MMRN1: variants seen among roughly 807,000 people sequenced by gnomAD.
MMRN1 encodes the protein multimerin 1, also known as multimerin-1.
In MMRN1, 94 loss-of-function variants were observed where a neutral mutation model predicts 100.7. That is an observed-to-expected ratio of 0.93 (90% CI 0.79 to 1.11). The LOEUF (loss-of-function observed/expected upper bound fraction) is 1.11. Among genes scored for constraint, MMRN1 ranks in the 50% least tolerant of loss-of-function variants. The pLI is 0.00. For synonymous variants in MMRN1, 575 were observed against 505.0 expected (o/e 1.14, Z -1.86); for missense variants, 1,606 against 1,439.1 (o/e 1.12, Z -1.88).
chr4:89,893,802 G>GTGAA (rs1297576531), upstream of MMRN1, among the ~76,000 whole-genome samples: 3 of 151,170 alleles, frequency 2.0e-5, no homozygotes, highest in South Asian at 4.2e-4. Flanking sequence ...AAATGAATGA[G>GTGAA]TGAATGAATG....
Position 89,936,445 on chromosome 4 carries a change from A to G in MMRN1, c.2765A>G (p.Lys922Arg), listed in dbSNP as rs1405513690. The G allele has an allele frequency of 6.2e-7, 1 of 1,611,550 alleles. No individual in the cohort carries two copies. The highest frequency in any genetic ancestry group is 8.5e-7 in the Non-Finnish European group (1 of 1,179,284). ...TCAATTAACTTCTTTTCGCTTAACA[A>G]AACTCTCCACGAAGTTTTAACAATG... ...HLSINFFSLNKTLHEVLTMCH... is the reference protein window; with the variant it reads ...HLSINFFSLNRTLHEVLTMCH... The change falls in exon 6 of 8, where the codon AAA (lysine) becomes AGA (arginine). Residue 922 changes from lysine (K) to arginine (R), a missense_variant. Physicochemically the swap from Lys to Arg is conservative, Grantham distance 26. Transcript: ENST00000264790.
chr4:89,905,295 A>G (rs912877930), intron 1 of MMRN1, among the ~76,000 whole-genome samples: 6 of 151,502 alleles, frequency 4.0e-5, no homozygotes, highest in South Asian at 2.1e-4. Context: ...TGCAATAATA[A>G]TCTTATAATT....
chr4:89,912,406 T>C (rs1279750065), intron 3 of MMRN1, among the ~76,000 whole-genome samples: 1 of 151,334 alleles, frequency 6.6e-6, no homozygotes, highest in Non-Finnish European at 1.5e-5. Context: ...TGACTCAATA[T>C]AAAAATAAGA....
chr4:89,905,839 T>A (rs1255791848), intron 1 of MMRN1, among the ~76,000 whole-genome samples: 1 of 151,520 alleles, frequency 6.6e-6, no homozygotes, highest in South Asian at 2.1e-4. Context: ...CTAATGAACA[T>A]CCTCAGGACT....
chr4:89,892,679 A>G (rs1440742266), upstream of MMRN1, among the ~76,000 whole-genome samples: 1 of 151,922 alleles, frequency 6.6e-6, no homozygotes, highest in African/African-American at 2.4e-5. Flanking sequence ...GGTCCCTTGT[A>G]AGCTAGGATA....
chr4:89,943,977 G>A (rs1722911395), intron 6 of MMRN1, among the ~76,000 whole-genome samples: 1 of 147,272 alleles, frequency 6.8e-6, no homozygotes, highest in Non-Finnish European at 1.5e-5. Flanking sequence ...GCGAGACTCT[G>A]TCTCAAAAAA....
chr4:89,953,592 A>G lies in MMRN1; in HGVS notation c.*174A>G, dbSNP rs1723254079. ...TTATAAAATTATTTGAATATTGTTT[A>G]ATGTCTGAATATGAAAGAGTTCTTG... On this transcript the variant is annotated 3_prime_UTR_variant, in exon 8 of 8. Transcript: ENST00000264790. 1 of 505,726 alleles carries G rather than the reference A, an allele frequency of 2.0e-6. No homozygotes were observed. Among genetic ancestry groups the G allele is most frequent in the African/African-American group, 2.0e-5 (1 of 50,434 alleles). The allele number at this position is 505,726 out of a possible 1,614,324, so 31.3% of individuals were successfully genotyped here.
intron 6 of MMRN1, among the ~76,000 whole-genome samples, chr4:89,948,220 A>C (rs1259531650): frequency 6.6e-6 from 1 of 152,190 alleles, no homozygotes; most frequent in Non-Finnish European, 1.5e-5. Context: ...AGTGCCATTC[A>C]ATCTTTAGTT....
intron 1 of MMRN1, among the ~76,000 whole-genome samples, chr4:89,899,925 A>C (rs1363728214): frequency 4.6e-5 from 7 of 151,870 alleles, no homozygotes; most frequent in African/African-American, 1.7e-4. Flanking sequence ...AAAGGGAGGG[A>C]TCTTTTGAAC....
intron 2 of MMRN1, 144 bp from the exon 3 acceptor site, chr4:89,911,800 G>A (rs931555184): frequency 1.6e-5 from 9 of 564,910 alleles, no homozygotes; most frequent in African/African-American, 2.0e-5. Flanking sequence ...TATTGATGAT[G>A]AATATTATGA....
chr4:89,946,427 G>A (rs994048573), intron 6 of MMRN1, among the ~76,000 whole-genome samples: 1 of 152,054 alleles, frequency 6.6e-6, no homozygotes, highest in African/African-American at 2.4e-5. Context: ...GTAGAAGTAA[G>A]CAATAAAATA....
intron 4 of MMRN1, 44 bp downstream of exon 4, chr4:89,923,316 A>C: frequency 1.3e-6 from 2 of 1,517,052 alleles, no homozygotes; most frequent in Non-Finnish European, 1.8e-6. Context: ...AATTATTGTC[A>C]ATGCTATTTA....
In MMRN1 at chr4:89,920,812, T is replaced by G. The variant is rs751225448; in HGVS notation, c.851-2356T>G. ...GAAATCACCTGTAGAGTTTTGTTTT[T>G]TTTGTTTGTTTGTTTTTTTTAAATA... On this transcript the variant is annotated intron_variant, in intron 3 of 7. Transcript: ENST00000264790. Among the ~76,000 whole-genome samples, 13 of 152,018 alleles carry G rather than the reference T, an allele frequency of 8.6e-5. 1 individual carries two copies. Among genetic ancestry groups the G allele is most frequent in the African/African-American group, 2.2e-4 (9 of 41,416 alleles).
At chr4:89,899,925 A>G (rs1363728214) in intron 1 of MMRN1, among the ~76,000 whole-genome samples, 1 of 151,870 alleles carries the variant, frequency 6.6e-6, no homozygotes, top group African/African-American at 2.4e-5. Flanking sequence ...AAAGGGAGGG[A>G]TCTTTTGAAC....
At chr4:89,946,913 TA>T (rs909723769) in intron 6 of MMRN1, among the ~76,000 whole-genome samples, 3 of 151,836 alleles carry the variant, frequency 2.0e-5, no homozygotes, top group South Asian at 2.1e-4. Flanking sequence ...TGATCTCCAT[TA>T]AAAAAAATGG....
At chr4:89,944,881 A>C (rs1722939744) in intron 6 of MMRN1, among the ~76,000 whole-genome samples, 2 of 152,186 alleles carry the variant, frequency 1.3e-5, no homozygotes, top group South Asian at 4.1e-4. Flanking sequence ...ACTTACATTT[A>C]GTTAAATGTA....
intron 1 of MMRN1, among the ~76,000 whole-genome samples, chr4:89,896,088 C>T (rs576116944): frequency 1.8e-4 from 28 of 152,238 alleles, no homozygotes; most frequent in African/African-American, 6.7e-4. Flanking sequence ...TGGTCTAGTT[C>T]CATGATTTTG....
chr4:89,906,676 A>C (rs1481850045), intron 1 of MMRN1, among the ~76,000 whole-genome samples: 1 of 151,476 alleles, frequency 6.6e-6, no homozygotes, highest in Admixed American at 6.6e-5. Context: ...TTTTCAGATA[A>C]TTTGGCTTTA....
intron 1 of MMRN1, among the ~76,000 whole-genome samples, chr4:89,896,753 G>C (rs914828240): frequency 1.3e-5 from 2 of 152,090 alleles, no homozygotes; most frequent in African/African-American, 4.8e-5. Context: ...ACACTGGTAA[G>C]AATTCTAGCC....
Sources: allele counts gnomAD v4.1 joint callset (sites outside exome capture counted in the v4.1 genomes callset), GRCh38; gene constraint gnomAD v4.1.1; transcripts MANE v1.5; gene names NCBI Gene and HGNC (gene_info 2026-07-23, HGNC 2026-07-21).